Variants in AKR1C4 observed in about 807,000 individuals in gnomAD.
The protein encoded by AKR1C4 is aldo-keto reductase family 1 member C4, also known as 3-alpha-HSD1.
A neutral mutation model predicts 41.0 loss-of-function variants in AKR1C4; 44 were observed. That is an observed-to-expected ratio of 1.07 (90% CI 0.84 to 1.38). The LOEUF (loss-of-function observed/expected upper bound fraction) is 1.38, where lower values mean the gene tolerates loss of function less well. Among genes scored for constraint, AKR1C4 ranks in the 40% most tolerant of loss-of-function variants. The pLI is 0.00. For synonymous variants in AKR1C4, 165 were observed against 137.7 expected, an observed-to-expected ratio of 1.20 and a Z score of -1.39; for missense variants, 438 against 387.9, an observed-to-expected ratio of 1.13 and a Z score of -1.09.
In AKR1C4 at chr10:5,200,242, T is replaced by C. The variant is rs781874785; in HGVS notation, c.146T>C (p.Ile49Thr). 5 of 1,614,196 alleles carry C rather than the reference T, an allele frequency of 3.1e-6. No homozygotes were observed. The highest frequency in any genetic ancestry group is 4.2e-6 in the Non-Finnish European group (5 of 1,179,984). ...KLAIEAGFRH[I>T]DSAYLYNNEE... ...GCAATAGAAGCTGGCTTCCGCCATA[T>C]TGATTCTGCTTATTTATACAATAAT... Residue 49 changes from isoleucine to threonine, a missense_variant, in exon 2 of 9, where the codon ATT (isoleucine) becomes ACT (threonine). Physicochemically the swap from Ile to Thr is moderately conservative, Grantham distance 89. Coordinates refer to ENST00000263126, the MANE Select transcript of AKR1C4 (RefSeq NM_001818.5).
chr10:5,212,818 G>T (rs1182697353), intron 6 of AKR1C4, 93 bp downstream of exon 6: 5 of 1,441,820 alleles, frequency 3.5e-6, no homozygotes, highest in Non-Finnish European at 4.8e-6. Flanking sequence ...CATTCTCAAT[G>T]GGTCAGGGTA....
chr10:5,200,394 T>C (rs1554796823), intron 2 of AKR1C4, 46 bp downstream of exon 2: 1 of 1,570,778 alleles, frequency 6.4e-7, no homozygotes, highest in Admixed American at 1.8e-5. Flanking sequence ...TTTAATGGGA[T>C]TGTGTGGAGA....
intron 6 of AKR1C4, 41 bp downstream of exon 6, chr10:5,212,766 G>C (rs782391044): frequency 6.3e-7 from 1 of 1,592,290 alleles, no homozygotes. Flanking sequence ...ATGCCATTTT[G>C]ATGAAAAATT....
In AKR1C4 at chr10:5,212,739, C is replaced by G; in HGVS notation, c.680+14C>G. The G allele has an allele frequency of 6.2e-7, 1 of 1,600,620 alleles. No homozygotes were observed. The highest frequency in any genetic ancestry group is 8.5e-7 in the Non-Finnish European group (1 of 1,174,028). The stretch of plus-strand genomic sequence containing the variant: ...ACATAAACTATGGTAATAAGAGCAT[C>G]AGGAAGTTTACCTAAAATGCCATTT... On this transcript the variant is annotated intron_variant, in intron 6 of 8. Transcript: ENST00000263126.
At chr10:5,214,000 A>C (rs1184833992) in intron 7 of AKR1C4, among the ~76,000 whole-genome samples, 1 of 151,054 alleles carries the variant, frequency 6.6e-6, no homozygotes, top group Non-Finnish European at 1.5e-5. Flanking sequence ...CTATATTGGA[A>C]ACATGACAAT....
Position 5,205,694 on chromosome 10 carries a change from T to C in AKR1C4, c.370-63T>C, listed in dbSNP as rs182634907. ...GTGGATTATTATCCTAAAATGTACA[T>C]GGGAGCATGCCTATGGGTGGAAAAG... On this transcript the variant is annotated intron_variant, in intron 3 of 8. Transcript: ENST00000263126. 1.2e-4 allele frequency: 175 copies of C among 1,411,360 alleles called. 2 individuals are homozygous for C. In the Middle Eastern group the frequency reaches 1.8e-3, roughly 14 times the overall value. 87.4% of individuals were successfully genotyped at this position (1,411,360 alleles called of 1,614,324 possible). A position where few individuals can be genotyped will look rare whatever the true frequency, so the allele number is the denominator to read the frequency against.
At chr10:5,210,829 C>T (rs1832563491) in intron 5 of AKR1C4, among the ~76,000 whole-genome samples, 1 of 152,180 alleles carries the variant, frequency 6.6e-6, no homozygotes, top group South Asian at 2.1e-4. Context: ...TCAGGCTGGT[C>T]TCAAACTCCT....
chr10:5,207,729 G>A, intron 5 of AKR1C4: 1 of 505,862 alleles, frequency 2.0e-6, no homozygotes, highest in South Asian at 1.6e-5. Context: ...GAAAAATATT[G>A]CAGTAATATA....
intron 7 of AKR1C4, among the ~76,000 whole-genome samples, chr10:5,213,778 C>A (rs1554798200): frequency 6.6e-6 from 1 of 152,160 alleles, no homozygotes; most frequent in African/African-American, 2.4e-5. Context: ...CACGTGTGTG[C>A]AGGGCAATGA....
intron 5 of AKR1C4, among the ~76,000 whole-genome samples, chr10:5,206,754 T>C (rs1267862183): frequency 8.1e-6 from 1 of 123,242 alleles, no homozygotes; most frequent in Non-Finnish European, 1.7e-5. Context: ...GTAGAATGTA[T>C]ATAATTATAG....
chr10:5,213,333 G>A (rs1554798153), intron 7 of AKR1C4, among the ~76,000 whole-genome samples, 174 bp downstream of exon 7: 1 of 152,142 alleles, frequency 6.6e-6, no homozygotes, highest in Non-Finnish European at 1.5e-5. Flanking sequence ...AGCATGGGTG[G>A]AGAGAATCAG....
chr10:5,204,449 G>T lies in AKR1C4; in HGVS notation c.325G>T (p.Asp109Tyr). 6.2e-7 allele frequency: 1 copy of T among 1,613,888 alleles called. No homozygotes were observed. The highest frequency in any genetic ancestry group is 2.2e-5 in the East Asian group (1 of 44,870). Residue 109 changes from aspartate to tyrosine, a missense_variant, in exon 3 of 9, where the codon GAC becomes TAC. Transcript: ENST00000263126. ...AAGCTCACTGAAAAAACTTCAACTGGACTATGTTGACCTCTATCTTCTTCA... is the reference window on the plus strand; with the variant it reads ...AAGCTCACTGAAAAAACTTCAACTGTACTATGTTGACCTCTATCTTCTTCA... ...LESSLKKLQLDYVDLYLLHFP... is the reference protein window; with the variant it reads ...LESSLKKLQLYYVDLYLLHFP...
chr10:5,205,643 T>C, intron 3 of AKR1C4, 114 bp from the exon 4 acceptor site: 1 of 819,344 alleles, frequency 1.2e-6, no homozygotes. Flanking sequence ...CATCACTTTC[T>C]AGAACATTTC....
intron 6 of AKR1C4, 72 bp downstream of exon 6, chr10:5,212,797 C>G: frequency 2.0e-6 from 3 of 1,501,908 alleles, no homozygotes; most frequent in Non-Finnish European, 2.7e-6. Flanking sequence ...CATACTCAGT[C>G]TCCTAGAGTT....
At chr10:5,200,605 G>A (rs1554796854) in intron 2 of AKR1C4, among the ~76,000 whole-genome samples, 1 of 152,180 alleles carries the variant, frequency 6.6e-6, no homozygotes, top group African/African-American at 2.4e-5. Context: ...ATTATTTTAT[G>A]AATTCATATT....
At chr10:5,215,683 C>T (rs143344380) in intron 7 of AKR1C4, among the ~76,000 whole-genome samples, 32 of 152,270 alleles carry the variant, frequency 2.1e-4, no homozygotes, top group East Asian at 1.7e-3. Flanking sequence ...CAAGTTCTTT[C>T]GTAAGGTATA....
At chr10:5,207,430 G>T (rs1554797576) in intron 5 of AKR1C4, 2 of 339,870 alleles carry the variant, frequency 5.9e-6, no homozygotes, top group Non-Finnish European at 1.2e-5. Flanking sequence ...GAAGCCATAT[G>T]CAAGATGCAC....
Position 5,216,707 on chromosome 10 carries a change from G to T in AKR1C4, c.847-4G>T. 6.2e-7 allele frequency: 1 copy of T among 1,604,286 alleles called. No individual in the cohort carries two copies. Among genetic ancestry groups the T allele is most frequent in the Non-Finnish European group, 8.5e-7 (1 of 1,173,116 alleles). Reference sequence around the variant, plus strand: ...AGAATAAACATTTTCTACTTCTTTGGTAGGTTTTTGAATTCCAGTTGACAT... The same window carrying T: ...AGAATAAACATTTTCTACTTCTTTGTTAGGTTTTTGAATTCCAGTTGACAT... On this transcript the variant is annotated splice_region_variant and splice_polypyrimidine_tract_variant and intron_variant, in intron 7 of 8. Transcript: ENST00000263126.
At position 5,205,849 on chromosome 10, in the gene AKR1C4, G is replaced by A. The variant is rs568362414; in HGVS notation, c.447+15G>A. The A allele has an allele frequency of 2.3e-4, 362 of 1,608,402 alleles. 3 individuals are homozygous for A. The highest frequency in any genetic ancestry group is 1.7e-3 in the Admixed American group (103 of 59,392). On this transcript the variant is annotated intron_variant, in intron 4 of 8. Transcript: ENST00000263126. The stretch of plus-strand genomic sequence containing the variant: ...CCACATGGGAGGTGAGTGCTTGGAG[G>A]ACAGAGTACAGAAAAGGAAGACAAG...
Sources: gnomAD v4.1 joint callset for allele counts (sites outside exome capture counted in the v4.1 genomes callset) on GRCh38, gnomAD v4.1.1 for gene constraint, MANE v1.5 for transcripts, NCBI Gene and HGNC (gene_info 2026-07-23, HGNC 2026-07-21) for gene names.